Variants in LRRFIP1 observed in about 807,000 individuals in gnomAD.
LRRFIP1 encodes the protein LRR binding FLII interacting protein 1.
Under a neutral mutation model 104.4 loss-of-function variants are expected in LRRFIP1, and 62 were observed. The ratio of observed to expected loss-of-function variants is 0.59; its 90% CI spans 0.48 to 0.73. The LOEUF (loss-of-function observed/expected upper bound fraction) is 0.73, where lower values mean the gene tolerates loss of function less well. LRRFIP1 is among the 30% of genes least tolerant of loss of function. LRRFIP1 has a pLI of 0.00. For missense variants in LRRFIP1, 796 were observed against 824.5 expected, an observed-to-expected ratio of 0.97 and a Z score of 0.42; for synonymous variants, 300 against 299.0, an observed-to-expected ratio of 1.00 and a Z score of -0.03.
At chr2:237,634,658 A>G (rs2082845892) in intron 1 of LRRFIP1, among the ~76,000 whole-genome samples, 1 of 152,224 alleles carries the variant, frequency 6.6e-6, no homozygotes, top group African/African-American at 2.4e-5. Flanking sequence ...GATGATGATG[A>G]TCTTGCCAGC....
intron 9 of LRRFIP1, among the ~76,000 whole-genome samples, chr2:237,734,356 G>C (rs976975288): frequency 1.1e-4 from 15 of 137,640 alleles, no homozygotes; most frequent in Admixed American, 7.1e-4. Flanking sequence ...TCTCGGCTCA[G>C]TGCAACCTAC....
Position 237,766,728 on chromosome 2 carries a change from G to C in LRRFIP1, c.1460-3215G>C, listed in dbSNP as rs951931720. Among the ~76,000 whole-genome samples, 10 of 152,216 alleles carry C rather than the reference G, an allele frequency of 6.6e-5. No individual in the cohort carries two copies. The highest frequency in any genetic ancestry group is 2.4e-4 in the African/African-American group (10 of 41,468). The stretch of plus-strand genomic sequence containing the variant: ...CAGCTGAAAATCCATGAGCAAGAAA[G>C]AAGGAAAAAGAAAGAGTTCTGAGCA... On this transcript the variant is annotated intron_variant, in intron 19 of 23. Transcript: ENST00000308482. This position sits in a 1 kb window ranked among gnomAD's most constrained non-coding sequence, Gnocchi z 4.8.
chr2:237,633,307 C>T (rs2082652902), intron 1 of LRRFIP1, among the ~76,000 whole-genome samples: 1 of 152,190 alleles, frequency 6.6e-6, no homozygotes. Flanking sequence ...AACAATGTGC[C>T]TGTGACCTTG....
chr2:237,779,488 GA>G lies in LRRFIP1; in HGVS notation c.1885del (p.Met629Ter). On this transcript the variant is annotated frameshift_variant, in exon 24 of 24. Coordinates refer to ENST00000308482, the MANE Select transcript of LRRFIP1 (RefSeq NM_001137550.2). LOFTEE classifies it high-confidence loss of function. Reference sequence around the variant, plus strand: ...CAACGGCCACTTAGTGAAGCGTCTGGAAAAAATGAAAGCAAATCGGAGTGCA... The same window carrying G: ...CAACGGCCACTTAGTGAAGCGTCTGGAAAAATGAAAGCAAATCGGAGTGCA... ...VSNGHLVKRL[E>X]KMKANRSALL... The G allele has an allele frequency of 6.2e-7, 1 of 1,613,780 alleles. No homozygotes were observed. The highest frequency in any genetic ancestry group is 8.5e-7 in the Non-Finnish European group (1 of 1,179,730).
At chr2:237,707,459 AAG>A (rs1200007728) in intron 1 of LRRFIP1, among the ~76,000 whole-genome samples, 3 of 148,028 alleles carry the variant, frequency 2.0e-5, no homozygotes, top group Non-Finnish European at 2.9e-5. Flanking sequence ...CCAAAGGAAA[AAG>A]AAAAAAAAAA....
At chr2:237,734,035 C>T (rs758557771) in intron 9 of LRRFIP1, among the ~76,000 whole-genome samples, 2 of 152,218 alleles carry the variant, frequency 1.3e-5, no homozygotes, top group Non-Finnish European at 1.5e-5. Flanking sequence ...CCACACTGCT[C>T]TGTCTCCAGG....
intron 7 of LRRFIP1, among the ~76,000 whole-genome samples, chr2:237,724,482 A>G (rs963019558): frequency 6.6e-6 from 1 of 152,224 alleles, no homozygotes; most frequent in African/African-American, 2.4e-5. Context: ...TGCTCTTAAC[A>G]GATACAAGAG....
At chr2:237,771,822 A>G (rs1559864322) in intron 20 of LRRFIP1, 2 of 396,658 alleles carry the variant, frequency 5.0e-6, no homozygotes, top group Non-Finnish European at 9.3e-6. Context: ...AGTCTTAAAC[A>G]TTGCAGGTAT....
chr2:237,714,165 C>T, intron 2 of LRRFIP1, 94 bp from the exon 3 acceptor site: 1 of 795,600 alleles, frequency 1.3e-6, no homozygotes, highest in East Asian at 2.5e-5. Context: ...TGACTTGATT[C>T]ATATGTCTAG....
In LRRFIP1 at chr2:237,780,524, T is replaced by C. The variant is rs141811341; in HGVS notation, c.*992T>C. ...GAGGTAACAGTAGAGACGATGGCAA[T>C]ATCATCAAGGACAAAAGTAAAAACG... On this transcript the variant is annotated 3_prime_UTR_variant, in exon 24 of 24. Transcript: ENST00000308482. Among the ~76,000 whole-genome samples, 582 of 152,298 alleles carry C rather than the reference T, an allele frequency of 3.8e-3. 3 individuals are homozygous for C. Among genetic ancestry groups the C allele is most frequent in the African/African-American group, 0.013 (558 of 41,554 alleles).
chr2:237,640,366 T>C (rs1187796494), intron 1 of LRRFIP1, among the ~76,000 whole-genome samples: 1 of 151,902 alleles, frequency 6.6e-6, no homozygotes, highest in Non-Finnish European at 1.5e-5. Context: ...GATCTCTCCC[T>C]GTTCTGGAGG....
chr2:237,732,782 G>C (rs1053041436), intron 8 of LRRFIP1, among the ~76,000 whole-genome samples: 2 of 152,062 alleles, frequency 1.3e-5, no homozygotes, highest in African/African-American at 4.8e-5. Context: ...TTGTAAATGT[G>C]TCCAGGAAGC....
At chr2:237,671,508 T>A (rs1473750713) in intron 1 of LRRFIP1, among the ~76,000 whole-genome samples, 1 of 152,138 alleles carries the variant, frequency 6.6e-6, no homozygotes, top group Non-Finnish European at 1.5e-5. Flanking sequence ...ACATTTCATG[T>A]CATGTGAGCC....
chr2:237,638,801 G>A (rs1260728694), intron 1 of LRRFIP1, among the ~76,000 whole-genome samples: 1 of 152,214 alleles, frequency 6.6e-6, no homozygotes, highest in Non-Finnish European at 1.5e-5. Flanking sequence ...TGCAATAGAG[G>A]TATGTTCTGC....
At chr2:237,655,626 C>A (rs781462447) in intron 1 of LRRFIP1, among the ~76,000 whole-genome samples, 3 of 152,178 alleles carry the variant, frequency 2.0e-5, no homozygotes, top group Admixed American at 2.0e-4. Context: ...GACTACATCT[C>A]CTGAATCCAC....
intron 1 of LRRFIP1, among the ~76,000 whole-genome samples, chr2:237,629,361 C>T (rs2082017180): frequency 6.6e-6 from 1 of 152,064 alleles, no homozygotes; most frequent in East Asian, 1.9e-4. Flanking sequence ...CCAGAGGTGG[C>T]CAGTGAATCG....
In LRRFIP1 at chr2:237,769,977, A is replaced by C. The variant is rs753123434; in HGVS notation, c.1494A>C (p.Glu498Asp). 1 of 1,604,666 alleles carries C rather than the reference A, an allele frequency of 6.2e-7. No individual in the cohort carries two copies. The highest frequency in any genetic ancestry group is 1.7e-4 in the Middle Eastern group (1 of 6,042). The change falls in exon 20 of 24, where the codon GAA becomes GAC. Residue 498 changes from glutamate to aspartate, a missense_variant. By Grantham distance (45) the Glu-to-Asp change is conservative (BLOSUM62 2). Transcript: ENST00000308482. ...IRLKKLVDER[E>D]CLLEQIKKLK... Reference sequence around the variant, plus strand: ...TGAAAAAGCTGGTTGATGAACGGGAATGCTTATTGGAACAGGTAACAATCT... The same window carrying C: ...TGAAAAAGCTGGTTGATGAACGGGACTGCTTATTGGAACAGGTAACAATCT...
In LRRFIP1 at chr2:237,646,624, T is replaced by A. The variant is rs187082343; in HGVS notation, c.96+18884T>A. 7.2e-5 allele frequency among the ~76,000 whole-genome samples: 11 copies of A among 152,014 alleles called. No individual in the cohort carries two copies. In the East Asian group the frequency reaches 2.1e-3, roughly 29 times the overall value. ...GGGTCTCTAAGAAAGTAATTAAGGT[T>A]AAATGAGGTCATAAGGGTGGGGCCC... On this transcript the variant is annotated intron_variant, in intron 1 of 23. Coordinates refer to ENST00000308482, the MANE Select transcript of LRRFIP1 (RefSeq NM_001137550.2).
intron 17 of LRRFIP1, among the ~76,000 whole-genome samples, chr2:237,758,207 C>T (rs2150783363): frequency 6.6e-6 from 1 of 150,476 alleles, no homozygotes; most frequent in South Asian, 2.1e-4. Flanking sequence ...CACTGTCACG[C>T]TCATCAGCAC....
Sources: allele counts gnomAD v4.1 joint callset (sites outside exome capture counted in the v4.1 genomes callset), GRCh38; gene constraint gnomAD v4.1.1; non-coding constraint Gnocchi (gnomAD v3.1); transcripts MANE v1.5; gene names NCBI Gene and HGNC (gene_info 2026-07-23, HGNC 2026-07-21).